Variants in SHISA9 observed in about 807,000 individuals in gnomAD.
SHISA9 encodes the protein shisa family member 9.
In SHISA9, 13 loss-of-function variants were observed where a neutral mutation model predicts 38.0. That is an observed-to-expected ratio of 0.34 (90% confidence interval 0.22 to 0.54). The LOEUF is 0.54. Ranked by LOEUF, SHISA9 falls within the 20% of genes least tolerant of loss-of-function variation. The probability of loss-of-function intolerance (pLI) is 0.91; values close to 1 mark genes in which losing one functional copy is unlikely to be tolerated. For synonymous variants in SHISA9, 275 were observed against 242.0 expected (o/e 1.14, Z -1.27); for missense variants, 538 against 575.8 (o/e 0.93, Z 0.67).
intron 2 of SHISA9, among the ~76,000 whole-genome samples, chr16:13,173,850 G>T (rs1328554912): frequency 1.3e-5 from 2 of 152,214 alleles, no homozygotes; most frequent in South Asian, 2.1e-4. Context: ...GAGTGGTTGA[G>T]CATCTCACCC....
chr16:13,417,905 G>C, the SHISA9 span, among the ~76,000 whole-genome samples: 1 of 152,154 alleles, frequency 6.6e-6, no homozygotes, highest in African/African-American at 2.4e-5. Context: ...TGGTGAAGCT[G>C]GTGGAACTTT....
chr16:13,300,206 C>A, the SHISA9 span, among the ~76,000 whole-genome samples: 1 of 152,108 alleles, frequency 6.6e-6, no homozygotes, highest in Non-Finnish European at 1.5e-5. Flanking sequence ...CTCCCCAGTA[C>A]GCCTGTATTT....
intron 2 of SHISA9, among the ~76,000 whole-genome samples, chr16:13,102,809 G>A (rs1301904848): frequency 2.0e-5 from 3 of 152,062 alleles, no homozygotes; most frequent in East Asian, 3.9e-4. Context: ...CAATGTAGTC[G>A]CTGTTCCGGG....
At chr16:13,061,910 CG>C (rs1222367792) in intron 2 of SHISA9, among the ~76,000 whole-genome samples, 1 of 151,980 alleles carries the variant, frequency 6.6e-6, no homozygotes, top group African/African-American at 2.4e-5. Flanking sequence ...TCTAAGCAGA[CG>C]GAAGAGCCTG....
intron 2 of SHISA9, among the ~76,000 whole-genome samples, chr16:13,045,159 A>G (rs958224254): frequency 6.6e-6 from 1 of 152,232 alleles, no homozygotes; most frequent in Admixed American, 6.5e-5. Context: ...TAAGAAATGT[A>G]TTTAGGCTTA....
the SHISA9 span, among the ~76,000 whole-genome samples, chr16:13,428,620 C>A: frequency 1.3e-5 from 2 of 152,078 alleles, no homozygotes; most frequent in African/African-American, 4.8e-5. Flanking sequence ...ACTTAGAAGA[C>A]CTAAACATTG....
At chr16:13,099,536 G>T (rs1179425716) in intron 2 of SHISA9, among the ~76,000 whole-genome samples, 4 of 152,080 alleles carry the variant, frequency 2.6e-5, no homozygotes, top group African/African-American at 7.2e-5. Context: ...GACTTGATGG[G>T]GTGGAGGGAG....
chr16:13,430,940 A>G, the SHISA9 span, among the ~76,000 whole-genome samples: 1 of 151,324 alleles, frequency 6.6e-6, no homozygotes, highest in African/African-American at 2.4e-5. Flanking sequence ...AAAAAGAAAG[A>G]TGTATATTTT....
intron 1 of SHISA9, among the ~76,000 whole-genome samples, chr16:12,916,012 T>TTTTG (rs1555500181): frequency 8.4e-5 from 3 of 35,920 alleles, no homozygotes; most frequent in Non-Finnish European, 1.9e-4. Flanking sequence ...TGTGTGTGTG[T>TTTTG]TTTTTTTTTT....
the SHISA9 span, among the ~76,000 whole-genome samples, chr16:13,557,454 G>A: frequency 6.6e-6 from 1 of 152,186 alleles, no homozygotes; most frequent in South Asian, 2.1e-4. Context: ...TTGAGTACTG[G>A]AATAAATGAT....
At chr16:13,294,767 C>T in the SHISA9 span, among the ~76,000 whole-genome samples, 1 of 152,052 alleles carries the variant, frequency 6.6e-6, no homozygotes, top group Non-Finnish European at 1.5e-5. Flanking sequence ...GTTCAGGCAG[C>T]AAATACAATG....
At chr16:12,977,133 C>G (rs540312445) in intron 2 of SHISA9, among the ~76,000 whole-genome samples, 2 of 152,156 alleles carry the variant, frequency 1.3e-5, no homozygotes, top group Non-Finnish European at 2.9e-5. Flanking sequence ...TGACTCACTG[C>G]AGTCTCTTCC....
chr16:13,497,136 C>T, the SHISA9 span, among the ~76,000 whole-genome samples: 3 of 152,068 alleles, frequency 2.0e-5, no homozygotes, highest in Non-Finnish European at 2.9e-5. Flanking sequence ...TGTTATTCAT[C>T]TTTTTTTAAA....
the SHISA9 span, among the ~76,000 whole-genome samples, chr16:13,469,432 A>AAGGAAAAAGAAAGG: frequency 7.6e-6 from 1 of 131,046 alleles, no homozygotes; most frequent in Non-Finnish European, 1.7e-5. Flanking sequence ...AAAAAGAAAG[A>AAGGAAAAAGAAAGG]AAGAGAAAGA....
chr16:13,165,110 T>C (rs904222119), intron 2 of SHISA9, among the ~76,000 whole-genome samples: 1 of 152,188 alleles, frequency 6.6e-6, no homozygotes, highest in African/African-American at 2.4e-5. Flanking sequence ...CTTCTTGGCT[T>C]TGTATTTGTA....
intron 2 of SHISA9, among the ~76,000 whole-genome samples, chr16:12,961,016 T>C (rs1054528699): frequency 2.7e-5 from 4 of 149,968 alleles, no homozygotes; most frequent in Non-Finnish European, 5.9e-5. Flanking sequence ...TAATTATATC[T>C]GTAACATGTG....
At chr16:12,950,085 T>C (rs144347015) in intron 2 of SHISA9, among the ~76,000 whole-genome samples, 1 of 152,342 alleles carries the variant, frequency 6.6e-6, no homozygotes, top group Non-Finnish European at 1.5e-5. Context: ...AGATAAACTT[T>C]TTTCGTTCCT....
the SHISA9 span, among the ~76,000 whole-genome samples, chr16:13,293,294 C>A: frequency 7.2e-4 from 109 of 152,256 alleles, no homozygotes; most frequent in African/African-American, 2.5e-3. Flanking sequence ...AATGAGAAGA[C>A]CACGTTGGTT....
chr16:13,204,541 T>C (rs1048102546), intron 3 of SHISA9, among the ~76,000 whole-genome samples: 4 of 152,186 alleles, frequency 2.6e-5, no homozygotes, highest in Non-Finnish European at 5.9e-5. Flanking sequence ...CTTTAGTGGG[T>C]AACACCCTTC....
Sources: gnomAD v4.1 joint callset for allele counts (sites outside exome capture counted in the v4.1 genomes callset) on GRCh38, gnomAD v4.1.1 for gene constraint, MANE v1.5 for transcripts, NCBI Gene and HGNC (gene_info 2026-07-23, HGNC 2026-07-21) for gene names.